The following DIAPH3 variants were observed in gnomAD, a reference collection of about 807,000 sequenced individuals.
The protein encoded by DIAPH3 is protein diaphanous homolog 3.
A neutral mutation model predicts 144.3 loss-of-function variants in DIAPH3; 117 were observed. The observed-to-expected ratio is 0.81, with a 90% CI of 0.70 to 0.95. The LOEUF (loss-of-function observed/expected upper bound fraction) is 0.95, where lower values mean the gene tolerates loss of function less well. DIAPH3 is among the 40% of genes least tolerant of loss of function. The probability of loss-of-function intolerance (pLI) is 0.00; values close to 1 mark genes in which losing one functional copy is unlikely to be tolerated. For missense variants in DIAPH3, 1,421 were observed against 1,412.7 expected (o/e 1.01, Z -0.09); for synonymous variants, 519 against 488.9 (o/e 1.06, Z -0.81).
intron 27 of DIAPH3, among the ~76,000 whole-genome samples, chr13:59,699,045 A>T (rs1309785564): frequency 6.6e-6 from 1 of 152,250 alleles, no homozygotes; most frequent in Non-Finnish European, 1.5e-5. Context: ...TTCTAGGAAT[A>T]GTAGACAACA....
At chr13:59,763,201 C>T (rs568236082) in intron 27 of DIAPH3, among the ~76,000 whole-genome samples, 1 of 151,882 alleles carries the variant, frequency 6.6e-6, no homozygotes, top group Non-Finnish European at 1.5e-5. Context: ...CTTTTTCATA[C>T]ATATATCTTT....
chr13:59,994,866 T>C (rs1395596265), intron 9 of DIAPH3, among the ~76,000 whole-genome samples: 1 of 151,822 alleles, frequency 6.6e-6, no homozygotes, highest in Non-Finnish European at 1.5e-5. Flanking sequence ...AAAATTCAGA[T>C]TCAACCAGAA....
chr13:59,708,736 C>T (rs1421654889), intron 27 of DIAPH3, among the ~76,000 whole-genome samples: 1 of 152,130 alleles, frequency 6.6e-6, no homozygotes, highest in Non-Finnish European at 1.5e-5. Flanking sequence ...ATACCATTTA[C>T]CTACTGGCAA....
chr13:59,978,692 T>C lies in DIAPH3; in HGVS notation c.1545+2103A>G, dbSNP rs560439763. ...TTTGTAATATCTATAGTCAAATCAC[T>C]GTAGCCTTGGGGAAAAAATGAATCT... On this transcript the variant is annotated intron_variant, in intron 14 of 27. Transcript: ENST00000400324. Among the ~76,000 whole-genome samples, 6 of 151,802 alleles carry C rather than the reference T, an allele frequency of 4.0e-5. No homozygotes were observed. The East Asian group carries it at 7.8e-4, about 20-fold the overall frequency.
intron 27 of DIAPH3, among the ~76,000 whole-genome samples, chr13:59,715,913 C>T (rs1427671679): frequency 6.6e-6 from 1 of 151,986 alleles, no homozygotes; most frequent in Admixed American, 6.5e-5. Context: ...AATGATACTA[C>T]TGAGCACTTC....
intron 27 of DIAPH3, among the ~76,000 whole-genome samples, chr13:59,708,952 G>C (rs964220788): frequency 9.2e-5 from 14 of 151,914 alleles, no homozygotes; most frequent in Non-Finnish European, 2.9e-5. Flanking sequence ...AAAGTTACCA[G>C]GTATCAGGAC....
rs145633420 is a variant in DIAPH3 at position 60,011,894 on chromosome 13, G to T, written c.772-1225C>A. 1.5e-3 allele frequency among the ~76,000 whole-genome samples: 233 copies of T among 152,168 alleles called. 1 individual carries two copies. Among genetic ancestry groups the T allele is most frequent in the African/African-American group, 5.4e-3 (225 of 41,528 alleles). ...GCCAGGAAGTCAAATCCAATTAGAA[G>T]ATAAGTTATGTTAATGATGTATCTA... On this transcript the variant is annotated intron_variant, in intron 7 of 27. Coordinates refer to ENST00000400324, the MANE Select transcript of DIAPH3 (RefSeq NM_001042517.2).
At chr13:59,861,038 T>C (rs2043548241) in intron 22 of DIAPH3, among the ~76,000 whole-genome samples, 1 of 152,124 alleles carries the variant, frequency 6.6e-6, no homozygotes, top group Admixed American at 6.5e-5. Context: ...TGATTGCTGG[T>C]TCTGGTATCA....
intron 24 of DIAPH3, among the ~76,000 whole-genome samples, chr13:59,823,016 C>T (rs891079484): frequency 6.6e-6 from 1 of 152,078 alleles, no homozygotes. Context: ...TATTATCAAT[C>T]TATTTTTATT....
intron 21 of DIAPH3, among the ~76,000 whole-genome samples, chr13:59,872,760 T>C (rs756602934): frequency 3.0e-4 from 46 of 152,240 alleles, no homozygotes; most frequent in Non-Finnish European, 8.8e-5. Context: ...CCTTCGGTGC[T>C]ATCTCTGATG....
chr13:59,833,230 C>T lies in DIAPH3; in HGVS notation c.2904G>A (p.Ser968=), dbSNP rs1275740286. 4.3e-6 allele frequency: 7 copies of T among 1,609,212 alleles called. No individual in the cohort carries two copies. Among genetic ancestry groups the T allele is most frequent in the East Asian group, 2.2e-5 (1 of 44,710 alleles). ...ISAKEQYETL[S]KLHENMEKLY... is the part of the protein sequence containing the mutation. Reference sequence around the variant, plus strand: ...ACTTTTCCATGTTTTCGTGTAACTTCGAAAGTGTCTCATATTGTTCTTTTG... The same window carrying T: ...ACTTTTCCATGTTTTCGTGTAACTTTGAAAGTGTCTCATATTGTTCTTTTG... The change falls in exon 24 of 28, where the codon TCG becomes TCA. Residue 968 remains serine, a synonymous_variant. Transcript: ENST00000400324.
chr13:60,023,458 C>T (rs2054162486), intron 5 of DIAPH3, among the ~76,000 whole-genome samples: 1 of 149,932 alleles, frequency 6.7e-6, no homozygotes, highest in African/African-American at 2.5e-5. Context: ...TTTTGAGACA[C>T]AGTCTTACCC....
At chr13:60,000,304 G>A in intron 9 of DIAPH3, among the ~76,000 whole-genome samples, 1 of 152,032 alleles carries the variant, frequency 6.6e-6, no homozygotes, top group Admixed American at 6.6e-5. Context: ...CATAGCTTAA[G>A]AAGCCTGAAG....
intron 7 of DIAPH3, among the ~76,000 whole-genome samples, chr13:60,011,839 T>C (rs565624703): frequency 6.6e-6 from 1 of 152,288 alleles, no homozygotes; most frequent in African/African-American, 2.4e-5. Flanking sequence ...AATGAGACGA[T>C]TGGGATTAGG....
chr13:60,144,065 T>C (rs902218545), intron 1 of DIAPH3, among the ~76,000 whole-genome samples: 5 of 152,194 alleles, frequency 3.3e-5, no homozygotes, highest in African/African-American at 1.2e-4. Flanking sequence ...TTTGTGTTTA[T>C]ACCTCCTTTT....
chr13:59,979,599 T>G (rs2050873870), intron 14 of DIAPH3, among the ~76,000 whole-genome samples: 1 of 151,690 alleles, frequency 6.6e-6, no homozygotes, highest in African/African-American at 2.4e-5. Flanking sequence ...TTTGGTAAAG[T>G]CAGAACCTTA....
At chr13:59,742,449 T>C (rs2036502706) in intron 27 of DIAPH3, among the ~76,000 whole-genome samples, 1 of 152,124 alleles carries the variant, frequency 6.6e-6, no homozygotes, top group Non-Finnish European at 1.5e-5. Flanking sequence ...CTGTGCATCC[T>C]TCTGGGTAAC....
chr13:59,905,778 G>A (rs537823139), intron 20 of DIAPH3, among the ~76,000 whole-genome samples: 71 of 152,202 alleles, frequency 4.7e-4, no homozygotes, highest in Admixed American at 9.2e-4. Context: ...AGAAGTCAGA[G>A]CAATGCTGAA....
chr13:59,909,910 T>C (rs1307270628), intron 20 of DIAPH3, among the ~76,000 whole-genome samples: 1 of 152,236 alleles, frequency 6.6e-6, no homozygotes, highest in Non-Finnish European at 1.5e-5. Flanking sequence ...ATCAAAGCTC[T>C]TTGATGTGAA....
Sources: allele counts gnomAD v4.1 joint callset (sites outside exome capture counted in the v4.1 genomes callset), GRCh38; gene constraint gnomAD v4.1.1; transcripts MANE v1.5; gene names NCBI Gene and HGNC (gene_info 2026-07-23, HGNC 2026-07-21).